The following PSMG2 variants were observed in gnomAD, a reference collection of about 807,000 sequenced individuals.
The protein encoded by PSMG2 is proteasome assembly chaperone 2, also known as CD40 ligand-activated specific transcript 3.
In PSMG2, 21 loss-of-function variants were observed where a neutral mutation model predicts 31.5. The ratio of observed to expected loss-of-function variants is 0.67; its 90% CI spans 0.47 to 0.96. The LOEUF (loss-of-function observed/expected upper bound fraction) is 0.96. PSMG2 is among the 40% of genes least tolerant of loss of function. The probability of loss-of-function intolerance (pLI) is 0.00; values close to 1 mark genes in which losing one functional copy is unlikely to be tolerated. For missense variants in PSMG2, 318 were observed against 321.2 expected (o/e 0.99, Z 0.08); for synonymous variants, 120 against 110.4 (o/e 1.09, Z -0.54).
At chr18:12,680,158 T>C (rs940486196) in intron 1 of PSMG2, among the ~76,000 whole-genome samples, 1 of 152,118 alleles carries the variant, frequency 6.6e-6, no homozygotes, top group Admixed American at 6.6e-5. Context: ...ATATTTGAGG[T>C]AAAAGTTTTC....
At chr18:12,668,596 TCAAAAAAAAAA>T (rs1174200797) in intron 1 of PSMG2, among the ~76,000 whole-genome samples, 1 of 4,982 alleles carries the variant, frequency 2.0e-4, no homozygotes, top group Non-Finnish European at 3.4e-4. Flanking sequence ...AGATTCCATC[TCAAAAAAAAAA>T]AAAAAAAAAA....
chr18:12,686,183 G>A, intron 1 of PSMG2: 3 of 1,175,054 alleles, frequency 2.6e-6, no homozygotes, highest in Non-Finnish European at 3.6e-6. Flanking sequence ...TTTTTCTAAG[G>A]CATTCTTTTA....
rs141990092 is a variant in PSMG2 at position 12,725,475 on chromosome 18, A to G, written c.739A>G (p.Ile247Val). Residue 247 changes from isoleucine (I) to valine (V), a missense_variant, in exon 7 of 7, where the codon ATA (isoleucine) becomes GTA (valine). Coordinates refer to ENST00000317615, the MANE Select transcript of PSMG2 (RefSeq NM_020232.5). ...DPTVSASRWK[I>V]PSSWRLLFGS... ...CACAGTATCTGCCTCACGGTGGAAA[A>G]TACCAAGTTCTTGGAGATTACTCTT... 1.9e-6 allele frequency: 3 copies of G among 1,606,550 alleles called. No homozygotes were observed. Among genetic ancestry groups the G allele is most frequent in the African/African-American group, 2.7e-5 (2 of 74,734 alleles).
In PSMG2 at chr18:12,720,643, A is replaced by C. The variant is rs781221279; in HGVS notation, c.541A>C (p.Ile181Leu). Residue 181 changes from isoleucine to leucine, a missense_variant, in exon 5 of 7, where the codon ATT becomes CTT. Coordinates refer to ENST00000317615, the MANE Select transcript of PSMG2 (RefSeq NM_020232.5). ...EIDDSEFCIR[I>L]PGGGITKTLY... Reference sequence around the variant, plus strand: ...AGATGATTCCGAGTTTTGTATCCGCATTCCGGGAGGAGGTATCACAAAAAC... The same window carrying C: ...AGATGATTCCGAGTTTTGTATCCGCCTTCCGGGAGGAGGTATCACAAAAAC... 3 of 1,613,512 alleles carry C rather than the reference A, an allele frequency of 1.9e-6. No individual in the cohort carries two copies.
In PSMG2 at chr18:12,703,048, TTGC is replaced by T. The variant is rs1466813566; in HGVS notation, c.-56_-54del. The T allele has an allele frequency of 2.5e-6, 4 of 1,577,080 alleles. No individual in the cohort carries two copies. The highest frequency in any genetic ancestry group is 3.5e-6 in the Non-Finnish European group (4 of 1,158,760). ...TCCGGGGTCTCGGGCTTCCGCCTTC[TTGC>T]TGCCCTCGTTCTTGCCAGGGCCGCG... On this transcript the variant is annotated 5_prime_UTR_variant, in exon 1 of 7. Transcript: ENST00000317615.
intron 1 of PSMG2, among the ~76,000 whole-genome samples, chr18:12,706,307 T>A (rs573604813): frequency 6.6e-6 from 1 of 152,094 alleles, no homozygotes; most frequent in Admixed American, 6.6e-5. Context: ...GCCAACATGG[T>A]GAAACTCCGT....
chr18:12,676,959 T>G (rs1336881132), intron 1 of PSMG2, among the ~76,000 whole-genome samples: 1 of 152,112 alleles, frequency 6.6e-6, no homozygotes, highest in African/African-American at 2.4e-5. Context: ...CAGAAATATT[T>G]TGTAGGCATT....
intron 1 of PSMG2, among the ~76,000 whole-genome samples, chr18:12,664,899 AC>A (rs1299293743): frequency 1.3e-5 from 2 of 151,576 alleles, no homozygotes; most frequent in African/African-American, 4.8e-5. Flanking sequence ...GGGTTTCACC[AC>A]TTTGGCCAGG....
intron 1 of PSMG2, chr18:12,662,147 G>A (rs769724145): frequency 2.2e-6 from 1 of 449,436 alleles, no homozygotes; most frequent in African/African-American, 2.0e-5. Context: ...TTCTGGACAA[G>A]TGCTCCTAAG....
chr18:12,703,218 GC>G, intron 1 of PSMG2, 54 bp downstream of exon 1: 1 of 1,543,392 alleles, frequency 6.5e-7, no homozygotes, highest in Non-Finnish European at 8.8e-7. Flanking sequence ...CTGCGGTGTC[GC>G]CACCCCGACG....
chr18:12,703,348 CTG>C (rs1348707035), intron 1 of PSMG2, among the ~76,000 whole-genome samples, 184 bp downstream of exon 1: 1 of 152,230 alleles, frequency 6.6e-6, no homozygotes, highest in Non-Finnish European at 1.5e-5. Flanking sequence ...CCTTTGTCGG[CTG>C]TAAAACCAAA....
chr18:12,721,137 G>A (rs1255202953), intron 5 of PSMG2, among the ~76,000 whole-genome samples: 2 of 152,180 alleles, frequency 1.3e-5, no homozygotes, highest in South Asian at 2.1e-4. Flanking sequence ...CCGAGATCGC[G>A]CCACTGCACT....
At chr18:12,689,467 T>C (rs1457183540) in intron 1 of PSMG2, among the ~76,000 whole-genome samples, 2 of 152,206 alleles carry the variant, frequency 1.3e-5, no homozygotes, top group African/African-American at 4.8e-5. Flanking sequence ...TCATACTGTT[T>C]ACAAAAAGAG....
At chr18:12,666,597 C>G (rs1423989786) in intron 1 of PSMG2, among the ~76,000 whole-genome samples, 1 of 151,786 alleles carries the variant, frequency 6.6e-6, no homozygotes, top group East Asian at 1.9e-4. Flanking sequence ...ACGCACCATG[C>G]CTGGTTGTTG....
intron 4 of PSMG2, 91 bp downstream of exon 4, chr18:12,718,726 A>C: frequency 1.1e-6 from 1 of 881,006 alleles, no homozygotes; most frequent in Non-Finnish European, 1.7e-6. Context: ...AGCCACGTAG[A>C]TCCTTACCTC....
At chr18:12,700,933 T>A (rs569271668), upstream of PSMG2, 68 of 1,593,326 alleles carry the variant, frequency 4.3e-5, 1 homozygote, top group South Asian at 7.5e-4. Context: ...TATACTCTCA[T>A]TTATTTCCCT....
intron 1 of PSMG2, among the ~76,000 whole-genome samples, chr18:12,688,814 A>G (rs1253053947): frequency 6.6e-6 from 1 of 152,154 alleles, no homozygotes; most frequent in Non-Finnish European, 1.5e-5. Context: ...GAACATTTCC[A>G]TCATTGCAAA....
chr18:12,695,791 A>C (rs953468729), intron 1 of PSMG2, among the ~76,000 whole-genome samples: 1 of 152,010 alleles, frequency 6.6e-6, no homozygotes, highest in South Asian at 2.1e-4. Flanking sequence ...TAAATGTATA[A>C]TATCAACCAG....
intron 1 of PSMG2, among the ~76,000 whole-genome samples, chr18:12,668,061 T>C (rs1290016327): frequency 2.0e-5 from 3 of 152,000 alleles, no homozygotes; most frequent in Non-Finnish European, 4.4e-5. Flanking sequence ...GGTCAGGAGT[T>C]TGAAACCAGC....
Sources: gnomAD v4.1 joint callset for allele counts (sites outside exome capture counted in the v4.1 genomes callset) on GRCh38, gnomAD v4.1.1 for gene constraint, MANE v1.5 for transcripts, NCBI Gene and HGNC (gene_info 2026-07-23, HGNC 2026-07-21) for gene names.